Variants in CFTR observed in about 807,000 individuals in gnomAD.
CFTR encodes the protein cystic fibrosis transmembrane conductance regulator.
CFTR carries 181 observed loss-of-function variants against 171.6 expected under a neutral mutation model. That is an observed-to-expected ratio of 1.05 (90% CI 0.93 to 1.19). CFTR has a LOEUF of 1.19. Ranked by LOEUF, CFTR falls within the 50% of genes most tolerant of loss-of-function variation. The pLI is 0.00. For synonymous variants in CFTR, 583 were observed against 608.0 expected, an observed-to-expected ratio of 0.96 and a Z score of 0.60; for missense variants, 1,968 against 1,734.7, an observed-to-expected ratio of 1.13 and a Z score of -2.39.
chr7:117,592,527 C>T lies in CFTR; in HGVS notation c.2360C>T (p.Thr787Ile). 1 of 1,526,132 alleles carries T rather than the reference C, an allele frequency of 6.6e-7. No individual in the cohort carries two copies. The highest frequency in any genetic ancestry group is 8.8e-7 in the Non-Finnish European group (1 of 1,139,606). 94.5% of individuals were successfully genotyped at this position (1,526,132 alleles called of 1,614,324 possible). ...CAAGGTCAGAACATTCACCGAAAGACAACAGCATCCACACGAAAAGTGTCA... is the reference window on the plus strand; with the variant it reads ...CAAGGTCAGAACATTCACCGAAAGATAACAGCATCCACACGAAAAGTGTCA... ...VNQGQNIHRK[T>I]TASTRKVSLA... Residue 787 changes from threonine (T) to isoleucine (I), a missense_variant, in exon 14 of 27, where the codon ACA (threonine) becomes ATA (isoleucine). Transcript: ENST00000003084.
At chr7:117,579,800 A>G (rs978621647) in intron 11 of CFTR, among the ~76,000 whole-genome samples, 3 of 151,832 alleles carry the variant, frequency 2.0e-5, no homozygotes, top group Non-Finnish European at 4.4e-5. Flanking sequence ...ATGATATATG[A>G]TAGATGCTAA....
chr7:117,579,184 T>C (rs1791815620), intron 11 of CFTR, among the ~76,000 whole-genome samples: 1 of 151,950 alleles, frequency 6.6e-6, no homozygotes, highest in African/African-American at 2.4e-5. Context: ...TGGAGAAAAT[T>C]CAATTGAATA....
intron 21 of CFTR, among the ~76,000 whole-genome samples, chr7:117,624,053 C>T (rs996679830): frequency 2.0e-5 from 3 of 152,228 alleles, no homozygotes; most frequent in Admixed American, 1.3e-4. Context: ...AAACCTGGAT[C>T]TACCCCTGGT....
At chr7:117,571,756 A>G (rs1337054388) in intron 11 of CFTR, among the ~76,000 whole-genome samples, 6 of 152,192 alleles carry the variant, frequency 3.9e-5, no homozygotes, top group Non-Finnish European at 8.8e-5. Context: ...ACATACAGAA[A>G]TAAACATTAA....
chr7:117,644,874 A>G lies in CFTR; in HGVS notation c.3873+2281A>G, dbSNP rs1240217779. Among the ~76,000 whole-genome samples the G allele has an allele frequency of 2.6e-5, 4 of 152,142 alleles. No individual in the cohort carries two copies. The East Asian group carries it at 7.7e-4, about 29-fold the overall frequency. On this transcript the variant is annotated intron_variant, in intron 23 of 26. Coordinates refer to ENST00000003084, the MANE Select transcript of CFTR (RefSeq NM_000492.4). Reference sequence around the variant, plus strand: ...AGGAGACAATGAGGCTAATCATGAGAGCCCCATTGGTTTAGGCAATTAGAA... The same window carrying G: ...AGGAGACAATGAGGCTAATCATGAGGGCCCCATTGGTTTAGGCAATTAGAA...
chr7:117,549,834 A>C (rs533467321), intron 10 of CFTR, among the ~76,000 whole-genome samples: 1 of 152,238 alleles, frequency 6.6e-6, no homozygotes, highest in Admixed American at 6.5e-5. Context: ...GAAGAAAGGA[A>C]GTAGGAGGAA....
intron 15 of CFTR, among the ~76,000 whole-genome samples, chr7:117,596,473 C>G (rs923753180): frequency 6.6e-6 from 1 of 152,356 alleles, no homozygotes; most frequent in African/African-American, 2.4e-5. Context: ...TCCCATAGAC[C>G]GCCCAAGGGC....
At chr7:117,556,677 G>C (rs868767150) in intron 10 of CFTR, among the ~76,000 whole-genome samples, 1 of 148,860 alleles carries the variant, frequency 6.7e-6, no homozygotes, top group African/African-American at 2.5e-5. Context: ...CCGCCACTAC[G>C]CCCGGCTAAT....
rs778513859 is a variant in CFTR, at chr7:117,667,137, T to C, written c.*29T>C. 24 of 1,601,394 alleles carry C rather than the reference T, an allele frequency of 1.5e-5. No individual in the cohort carries two copies. Among genetic ancestry groups the C allele is most frequent in the Non-Finnish European group, 1.6e-5 (19 of 1,169,814 alleles). On this transcript the variant is annotated 3_prime_UTR_variant, in exon 27 of 27. Coordinates refer to ENST00000003084, the MANE Select transcript of CFTR (RefSeq NM_000492.4). Reference sequence around the variant, plus strand: ...GCAGCATAAATGTTGACATGGGACATTTGCTCATGGAATTGGAGCTCGTGG... The same window carrying C: ...GCAGCATAAATGTTGACATGGGACACTTGCTCATGGAATTGGAGCTCGTGG...
intron 15 of CFTR, among the ~76,000 whole-genome samples, chr7:117,602,625 G>T (rs779265555): frequency 3.9e-4 from 59 of 152,204 alleles, no homozygotes; most frequent in Non-Finnish European, 6.8e-4. Context: ...TTAACTTAAT[G>T]TGGTCTCATC....
intron 3 of CFTR, among the ~76,000 whole-genome samples, chr7:117,523,405 C>G (rs1798715189): frequency 6.7e-6 from 1 of 148,596 alleles, no homozygotes; most frequent in African/African-American, 2.5e-5. Context: ...GAGACAGAGT[C>G]TTGCTCTGTC....
intron 21 of CFTR, among the ~76,000 whole-genome samples, chr7:117,622,260 A>G (rs1386166819): frequency 3.9e-5 from 6 of 152,186 alleles, no homozygotes; most frequent in African/African-American, 1.4e-4. Flanking sequence ...GTGGAAACAT[A>G]GACCAGAGTT....
chr7:117,602,368 T>C (rs1350969173), intron 15 of CFTR, among the ~76,000 whole-genome samples: 2 of 152,240 alleles, frequency 1.3e-5, no homozygotes. Context: ...TTAATATTAA[T>C]CTCACCTTTT....
chr7:117,585,848 T>C (rs1791925483), intron 11 of CFTR, among the ~76,000 whole-genome samples: 1 of 152,120 alleles, frequency 6.6e-6, no homozygotes. Flanking sequence ...GGTCTTGCTA[T>C]GTTGCCCAGG....
intron 3 of CFTR, among the ~76,000 whole-genome samples, chr7:117,521,068 A>G (rs1798678366): frequency 6.6e-6 from 1 of 151,964 alleles, no homozygotes; most frequent in Admixed American, 6.6e-5. Context: ...ATTTTAAGAT[A>G]TATATCTTAT....
At chr7:117,539,415 A>G (rs1799009837) in intron 7 of CFTR, among the ~76,000 whole-genome samples, 2 of 150,560 alleles carry the variant, frequency 1.3e-5, no homozygotes, top group South Asian at 4.2e-4. Flanking sequence ...TAAAAGAACC[A>G]CTTGGGTTTT....
chr7:117,537,948 G>T (rs1398531175), intron 7 of CFTR, among the ~76,000 whole-genome samples: 2 of 152,096 alleles, frequency 1.3e-5, no homozygotes, highest in African/African-American at 2.4e-5. Context: ...AGAGGGTCTG[G>T]TTTTCTCAAA....
chr7:117,502,694 T>A (rs1008931935), intron 1 of CFTR, among the ~76,000 whole-genome samples: 1 of 152,210 alleles, frequency 6.6e-6, no homozygotes, highest in African/African-American at 2.4e-5. Context: ...TCCTGCTGTA[T>A]TCAGACTGGC....
intron 3 of CFTR, among the ~76,000 whole-genome samples, chr7:117,513,679 C>T (rs1263846322): frequency 1.3e-5 from 2 of 152,184 alleles, no homozygotes; most frequent in African/African-American, 2.4e-5. Flanking sequence ...GGCTTAGGCA[C>T]TTTGATTTAT....
Sources: allele counts gnomAD v4.1 joint callset (sites outside exome capture counted in the v4.1 genomes callset), GRCh38; gene constraint gnomAD v4.1.1; transcripts MANE v1.5; gene names NCBI Gene and HGNC (gene_info 2026-07-23, HGNC 2026-07-21).